EPB41L4A: variants seen among roughly 807,000 people sequenced by gnomAD.
EPB41L4A encodes band 4.1-like protein 4A.
A neutral mutation model predicts 108.6 loss-of-function variants in EPB41L4A; 100 were observed. That is an observed-to-expected ratio of 0.92 (90% CI 0.78 to 1.09). The LOEUF is 1.09. EPB41L4A is among the 50% of genes least tolerant of loss of function. The pLI is 0.00. For missense variants in EPB41L4A, 1,030 were observed against 842.7 expected, an observed-to-expected ratio of 1.22 and a Z score of -2.75; for synonymous variants, 319 against 289.0, an observed-to-expected ratio of 1.10 and a Z score of -1.05.
chr5:112,259,372 A>G (rs1751335058), intron 8 of EPB41L4A, 80 bp from the exon 9 acceptor site: 1 of 1,141,502 alleles, frequency 8.8e-7, no homozygotes, highest in South Asian at 1.2e-5. Context: ...CCAGTGGAAA[A>G]AGACTGGTGA....
chr5:112,260,532 T>C (rs1462626731), intron 7 of EPB41L4A, among the ~76,000 whole-genome samples: 3 of 152,184 alleles, frequency 2.0e-5, no homozygotes, highest in African/African-American at 7.2e-5. Flanking sequence ...CCCAACTCTC[T>C]CTAGAAAGTT....
At chr5:112,365,840 G>T (rs1291490122) in intron 1 of EPB41L4A, among the ~76,000 whole-genome samples, 4 of 152,148 alleles carry the variant, frequency 2.6e-5, no homozygotes, top group African/African-American at 9.7e-5. Flanking sequence ...CTCAATTTGA[G>T]TTTGTCTTAA....
chr5:112,238,290 G>C (rs190932586), intron 11 of EPB41L4A, among the ~76,000 whole-genome samples: 1 of 152,034 alleles, frequency 6.6e-6, no homozygotes, highest in Non-Finnish European at 1.5e-5. Flanking sequence ...CTTCATAATT[G>C]TATCACTGTC....
chr5:112,178,974 A>T, intron 18 of EPB41L4A, among the ~76,000 whole-genome samples: 1 of 131,810 alleles, frequency 7.6e-6, no homozygotes, highest in Non-Finnish European at 1.7e-5. Flanking sequence ...AAATAAATTA[A>T]AAAAAAATGA....
At chr5:112,207,492 C>T (rs1762528253) in intron 13 of EPB41L4A, among the ~76,000 whole-genome samples, 1 of 152,114 alleles carries the variant, frequency 6.6e-6, no homozygotes. Flanking sequence ...AGACAATCTA[C>T]AGAAAAGGAG....
chr5:112,368,013 A>G (rs747126207), intron 1 of EPB41L4A, among the ~76,000 whole-genome samples: 2 of 152,220 alleles, frequency 1.3e-5, no homozygotes, highest in Non-Finnish European at 2.9e-5. Flanking sequence ...GTGATCAACA[A>G]TTGTACTGAC....
At chr5:112,366,376 A>G (rs1452221875) in intron 1 of EPB41L4A, among the ~76,000 whole-genome samples, 2 of 152,038 alleles carry the variant, frequency 1.3e-5, no homozygotes, top group Non-Finnish European at 2.9e-5. Flanking sequence ...AACTGAGGAG[A>G]GTTAATCTAT....
At chr5:112,300,451 G>C (rs888241111) in intron 2 of EPB41L4A, among the ~76,000 whole-genome samples, 8 of 152,216 alleles carry the variant, frequency 5.3e-5, no homozygotes, top group African/African-American at 1.9e-4. Flanking sequence ...TAATTGTTTT[G>C]TTTAAGGAGG....
At chr5:112,143,890 T>C (rs754331057) in intron 13 of EPB41L4A, 8 of 455,084 alleles carry the variant, frequency 1.8e-5, no homozygotes, top group South Asian at 9.3e-5. Flanking sequence ...ACTGAAGACA[T>C]AGAAAAGAAG....
At chr5:112,393,159 C>T (rs1177027692) in intron 1 of EPB41L4A, among the ~76,000 whole-genome samples, 2 of 151,924 alleles carry the variant, frequency 1.3e-5, no homozygotes, top group Admixed American at 1.3e-4. Context: ...AAATCGACAC[C>T]CTAACATCAC....
intron 2 of EPB41L4A, among the ~76,000 whole-genome samples, chr5:112,284,820 G>A (rs112174837): frequency 1.1e-4 from 16 of 152,224 alleles, no homozygotes; most frequent in African/African-American, 2.2e-4. Flanking sequence ...GATGTAACCC[G>A]GAGAGCAATG....
chr5:112,232,186 G>T (rs1052980549), intron 12 of EPB41L4A, among the ~76,000 whole-genome samples: 2 of 151,636 alleles, frequency 1.3e-5, no homozygotes, highest in Non-Finnish European at 2.9e-5. Flanking sequence ...CTCCAAAAAG[G>T]CTGGGCTGTG....
chr5:112,290,498 A>G (rs753094508), intron 2 of EPB41L4A, among the ~76,000 whole-genome samples: 1 of 152,198 alleles, frequency 6.6e-6, no homozygotes, highest in Non-Finnish European at 1.5e-5. Flanking sequence ...ATTCCTTGAG[A>G]AAGTCCTGAA....
chr5:112,261,938 G>A (rs930432354), intron 7 of EPB41L4A, among the ~76,000 whole-genome samples: 1 of 147,138 alleles, frequency 6.8e-6, no homozygotes, highest in Non-Finnish European at 1.5e-5. Context: ...TGCCAGGCTG[G>A]AGTGCAGTGG....
At position 112,418,988 on chromosome 5, in the gene EPB41L4A, G is replaced by C; in HGVS notation, c.52C>G (p.Leu18Val). The C allele has an allele frequency of 6.2e-7, 1 of 1,613,634 alleles. No homozygotes were observed. The highest frequency in any genetic ancestry group is 2.2e-5 in the East Asian group (1 of 44,812). The change falls in exon 1 of 23, where the codon CTG (leucine) becomes GTG (valine). Residue 18 changes from leucine (L) to valine (V), a missense_variant. Physicochemically the swap from Leu to Val is conservative, Grantham distance 32. Transcript: ENST00000261486. The part of the protein sequence containing the change: ...PEEFYCEVLL[L>V]DESKLTLTTQ... ...GTAAGGGTTAACTTGGATTCATCCA[G>C]GAGCAAAACTTCGCAGTAAAATTCT... is the stretch of plus-strand genomic sequence containing the variant.
chr5:112,221,092 C>T lies in EPB41L4A; in HGVS notation c.1088-11110G>A, dbSNP rs547714193. Among the ~76,000 whole-genome samples, 7 of 152,266 alleles carry T rather than the reference C, an allele frequency of 4.6e-5. No individual in the cohort carries two copies. The East Asian group carries it at 1.4e-3, about 29-fold the overall frequency. ...AATCTTTTGTTATGGGGACCTCAGC[C>T]ATGAACCTAGTGATAAGTGAGGAAG... is the stretch of plus-strand genomic sequence containing the variant. On this transcript the variant is annotated intron_variant, in intron 12 of 22. Coordinates refer to ENST00000261486, the MANE Select transcript of EPB41L4A (RefSeq NM_022140.5).
intron 12 of EPB41L4A, among the ~76,000 whole-genome samples, chr5:112,230,597 A>C (rs1273418813): frequency 6.6e-6 from 1 of 151,714 alleles, no homozygotes; most frequent in Admixed American, 6.6e-5. Flanking sequence ...TTTCCTGCTG[A>C]TTTCAGTTCC....
chr5:112,269,556 G>A (rs979465859), intron 4 of EPB41L4A, among the ~76,000 whole-genome samples: 2 of 152,084 alleles, frequency 1.3e-5, no homozygotes, highest in African/African-American at 4.8e-5. Flanking sequence ...ATGATGGAAT[G>A]CTTGAGTCCT....
At chr5:112,385,527 A>G (rs1055750849) in intron 1 of EPB41L4A, among the ~76,000 whole-genome samples, 14 of 148,802 alleles carry the variant, frequency 9.4e-5, no homozygotes, top group Non-Finnish European at 1.8e-4. Context: ...AAAAAAAAAA[A>G]GTAAATCCCA....
Sources: allele counts gnomAD v4.1 joint callset (sites outside exome capture counted in the v4.1 genomes callset), GRCh38; gene constraint gnomAD v4.1.1; transcripts MANE v1.5; gene names NCBI Gene and HGNC (gene_info 2026-07-23, HGNC 2026-07-21).